Variants in DMXL2 observed in about 807,000 individuals in gnomAD.
DMXL2 encodes dmX-like protein 2.
In DMXL2, 103 loss-of-function variants were observed where a neutral mutation model predicts 331.1. The observed-to-expected ratio is 0.31, with a 90% CI of 0.27 to 0.37. The LOEUF (loss-of-function observed/expected upper bound fraction) is 0.37. DMXL2 is among the 10% of genes least tolerant of loss of function. DMXL2 has a pLI of 1.00. For missense variants in DMXL2, 3,171 were observed against 3,642.9 expected (o/e 0.87, Z 3.33); for synonymous variants, 1,281 against 1,252.1 (o/e 1.02, Z -0.49).
chr15:51,482,325 A>C (rs2042074977), intron 23 of DMXL2, among the ~76,000 whole-genome samples: 1 of 152,170 alleles, frequency 6.6e-6, no homozygotes, highest in Admixed American at 6.5e-5. Context: ...AAATATCTAT[A>C]TTATTATTCT....
chr15:51,568,497 T>A lies in DMXL2; in HGVS notation c.275A>T (p.Lys92Ile), dbSNP rs1398164275. ...IFEPLGINSH[K>I]RNCQLKCQWL... ...TTGGTTAATACTTACACAATTTCTTTTATGAGAATTTATGCCCAAGGGCTC... is the reference window on the plus strand; with the variant it reads ...TTGGTTAATACTTACACAATTTCTTATATGAGAATTTATGCCCAAGGGCTC... The change falls in exon 3 of 44, where the codon AAA (lysine) becomes ATA (isoleucine). Residue 92 changes from lysine to isoleucine, a missense_variant. Lys to Ile is a moderately radical substitution (Grantham distance 102). This residue lies in a region of DMXL2 where 1,674 missense variants were observed against 1,780.2 expected (regional missense o/e 0.94). Transcript: ENST00000560891. The A allele has an allele frequency of 6.4e-7, 1 of 1,561,502 alleles. No homozygotes were observed. Among genetic ancestry groups the A allele is most frequent in the Non-Finnish European group, 8.6e-7 (1 of 1,157,574 alleles).
chr15:51,547,508 C>T lies in DMXL2; in HGVS notation c.568-100G>A. 4.0e-6 allele frequency: 3 copies of T among 740,766 alleles called. No homozygotes were observed. The African/African-American group carries it at 5.5e-5, about 14-fold the overall frequency. 45.9% of individuals were successfully genotyped at this position (740,766 alleles called of 1,614,324 possible). ...TTAAAAATTAAGTTACATCTAAAAACTAATATGTGACTTATACATAATACA... is the reference window on the plus strand; with the variant it reads ...TTAAAAATTAAGTTACATCTAAAAATTAATATGTGACTTATACATAATACA... On this transcript the variant is annotated intron_variant, in intron 6 of 43. Transcript: ENST00000560891.
chr15:51,556,757 G>T (rs995161058), intron 6 of DMXL2, among the ~76,000 whole-genome samples: 4 of 151,900 alleles, frequency 2.6e-5, no homozygotes, highest in African/African-American at 9.7e-5. Flanking sequence ...GGGTGACAGA[G>T]CGAGATTCTG....
intron 42 of DMXL2, chr15:51,450,650 C>T: frequency 2.8e-6 from 1 of 361,706 alleles, no homozygotes; most frequent in South Asian, 2.5e-5. Flanking sequence ...CAGAGACCAA[C>T]CTTCTCAAAG....
Position 51,486,435 on chromosome 15 carries a change from C to A in DMXL2, c.5218-98G>T, listed in dbSNP as rs527380636. Reference sequence around the variant, plus strand: ...CCCTGAAATTATCTACCATTTATATCCTAATGGTGGGCGAAGGGACAGTGA... The same window carrying A: ...CCCTGAAATTATCTACCATTTATATACTAATGGTGGGCGAAGGGACAGTGA... On this transcript the variant is annotated intron_variant, in intron 22 of 43. Transcript: ENST00000560891. 14 of 936,920 alleles carry A rather than the reference C, an allele frequency of 1.5e-5. No homozygotes were observed. The Admixed American group carries it at 2.9e-4, about 19-fold the overall frequency. 58.0% of individuals were successfully genotyped at this position (936,920 alleles called of 1,614,324 possible).
intron 14 of DMXL2, among the ~76,000 whole-genome samples, chr15:51,516,226 T>C (rs2047028823): frequency 6.6e-6 from 1 of 152,210 alleles, no homozygotes; most frequent in Admixed American, 6.5e-5. Flanking sequence ...CCTTAGACCA[T>C]AAACATAGTC....
At chr15:51,513,614 C>T (rs780518284) in intron 15 of DMXL2, among the ~76,000 whole-genome samples, 2 of 152,084 alleles carry the variant, frequency 1.3e-5, no homozygotes, top group Non-Finnish European at 2.9e-5. Flanking sequence ...TCCTTAGATG[C>T]TATACATAAT....
Position 51,576,107 on chromosome 15 carries a change from C to A in DMXL2, c.162G>T (p.Lys54Asn), listed in dbSNP as rs1436727559. The stretch of plus-strand genomic sequence containing the variant: ...CACAGCTGACTTGGATGTTTCCATG[C>A]TTAGCACCAGGAATGATCTGTACAC... ...FECVQIIPGAKHGNIQVSCVE... is the reference protein window; with the variant it reads ...FECVQIIPGANHGNIQVSCVE... Residue 54 changes from lysine (K) to asparagine (N), a missense_variant, in exon 2 of 44, where the codon AAG (lysine) becomes AAT (asparagine). By Grantham distance (94) the Lys-to-Asn change is moderately conservative (BLOSUM62 0). This residue lies in a region of DMXL2 where 1,674 missense variants were observed against 1,780.2 expected (regional missense o/e 0.94). Transcript: ENST00000560891. 6.5e-7 allele frequency: 1 copy of A among 1,548,742 alleles called. No homozygotes were observed. Among genetic ancestry groups the A allele is most frequent in the Admixed American group, 1.8e-5 (1 of 55,682 alleles).
chr15:51,581,965 A>C (rs2051455916), intron 1 of DMXL2, among the ~76,000 whole-genome samples: 1 of 152,194 alleles, frequency 6.6e-6, no homozygotes, highest in South Asian at 2.1e-4. Flanking sequence ...AATCTTACCA[A>C]GAATACTATA....
At chr15:51,463,118 T>G (rs1036362837) in intron 33 of DMXL2, 1 of 258,450 alleles carries the variant, frequency 3.9e-6, no homozygotes, top group African/African-American at 2.3e-5. Context: ...GTTTATTATG[T>G]GTAAAAACCT....
chr15:51,559,615 G>T (rs1415183007), intron 6 of DMXL2, among the ~76,000 whole-genome samples: 1 of 152,142 alleles, frequency 6.6e-6, no homozygotes, highest in Non-Finnish European at 1.5e-5. Context: ...CAGCTACTTA[G>T]GAGGCTGAGG....
chr15:51,571,738 T>G (rs866140376), intron 2 of DMXL2, among the ~76,000 whole-genome samples: 1 of 152,022 alleles, frequency 6.6e-6, no homozygotes, highest in Non-Finnish European at 1.5e-5. Context: ...CTGAAACCAA[T>G]GAGAACAAAG....
intron 1 of DMXL2, among the ~76,000 whole-genome samples, chr15:51,585,541 T>C (rs1342086928): frequency 6.6e-6 from 1 of 152,214 alleles, no homozygotes; most frequent in Non-Finnish European, 1.5e-5. Flanking sequence ...TATGTATAGA[T>C]GATATATGCG....
At chr15:51,469,222 A>G (rs1257661917) in intron 29 of DMXL2, among the ~76,000 whole-genome samples, 2 of 152,026 alleles carry the variant, frequency 1.3e-5, no homozygotes, top group Non-Finnish European at 2.9e-5. Context: ...AAATAATGAA[A>G]TATTTTTGAA....
intron 14 of DMXL2, among the ~76,000 whole-genome samples, 154 bp from the exon 15 acceptor site, chr15:51,514,713 G>T (rs2046936423): frequency 6.6e-6 from 1 of 150,452 alleles, no homozygotes; most frequent in East Asian, 2.0e-4. Context: ...AGCAACAGAA[G>T]AGAATCATTA....
chr15:51,459,502 T>A (rs887112315), intron 34 of DMXL2, 96 bp downstream of exon 34: 18 of 1,024,724 alleles, frequency 1.8e-5, no homozygotes, highest in Non-Finnish European at 2.4e-5. Flanking sequence ...CTCTGAGTAG[T>A]TAGCCAGTTG....
chr15:51,527,457 G>A (rs1006174041), intron 13 of DMXL2, among the ~76,000 whole-genome samples: 2 of 152,112 alleles, frequency 1.3e-5, no homozygotes, highest in Non-Finnish European at 1.5e-5. Context: ...GGCCAGGCGT[G>A]GTGGCTCATG....
Position 51,456,174 on chromosome 15 carries a change from G to A in DMXL2, c.8418C>T (p.Asp2806=), listed in dbSNP as rs373337134. The A allele has an allele frequency of 6.5e-5, 105 of 1,613,874 alleles. No individual in the cohort carries two copies. Among genetic ancestry groups the A allele is most frequent in the African/African-American group, 3.7e-4 (28 of 74,982 alleles). ...VHQYYLTGAQ[D]GSVRMFEWTR... ...TCCATTCAAACATTCGTACACTGCC[G>A]TCCTGAGCACCTGTAAGATCTGAAA... is the stretch of plus-strand genomic sequence containing the variant. Residue 2806 remains aspartate (D), a synonymous_variant, in exon 39 of 44, where the codon GAC becomes GAT. Transcript: ENST00000560891.
rs1414117605 is a variant in DMXL2, at chr15:51,455,214, A to G, written c.8541T>C (p.Asp2847=). The G allele has an allele frequency of 6.2e-7, 1 of 1,614,018 alleles. No homozygotes were observed. The highest frequency in any genetic ancestry group is 1.7e-5 in the Admixed American group (1 of 60,026). ...GCCAGATACTCAGAAAACCCTCTCC[A>G]TCCGCAACACCACACTGTAAGAACA... ...NSQGNKCGVA[D]GEGFLSIWQV... Residue 2847 remains aspartate, a synonymous_variant, in exon 40 of 44, where the codon GAT becomes GAC. Transcript: ENST00000560891.
Sources: allele counts gnomAD v4.1 joint callset (sites outside exome capture counted in the v4.1 genomes callset), GRCh38; gene constraint gnomAD v4.1.1; regional missense constraint gnomAD v4.1.1; transcripts MANE v1.5; gene names NCBI Gene and HGNC (gene_info 2026-07-23, HGNC 2026-07-21).